FSCN1: variants seen among roughly 807,000 people sequenced by gnomAD.
The protein encoded by FSCN1 is fascin actin-bundling protein 1, also known as fascin.
A neutral mutation model predicts 39.7 loss-of-function variants in FSCN1; 10 were observed. That is an observed-to-expected ratio of 0.25 (90% CI 0.16 to 0.43). The LOEUF is 0.43. FSCN1 is among the 20% of genes least tolerant of loss of function. The pLI, the probability that FSCN1 is intolerant of heterozygous loss-of-function variation, is 1.00. For synonymous variants in FSCN1, 322 were observed against 320.0 expected (o/e 1.01, Z -0.07); for missense variants, 525 against 723.8 (o/e 0.73, Z 3.15).
At chr7:5,594,372 G>T (rs1182902476) in intron 1 of FSCN1, among the ~76,000 whole-genome samples, 1 of 151,864 alleles carries the variant, frequency 6.6e-6, no homozygotes, top group Admixed American at 6.6e-5. Context: ...GGGGGGGGGC[G>T]CGGGGTGTCA....
At chr7:5,596,934 G>A (rs1047789911) in intron 1 of FSCN1, among the ~76,000 whole-genome samples, 2 of 152,208 alleles carry the variant, frequency 1.3e-5, no homozygotes, top group African/African-American at 4.8e-5. Flanking sequence ...TGAGATGGAA[G>A]GAGTGCCTGT....
chr7:5,599,550 C>T lies in FSCN1; in HGVS notation c.833-3707C>T, dbSNP rs941731242. On this transcript the variant is annotated intron_variant, in intron 1 of 4. Transcript: ENST00000382361. The surrounding 1 kb of genome is among the most constrained non-coding windows in gnomAD (Gnocchi z 5.6). ...GGGGAGGCCGGGCGTGGTGGCTTAC[C>T]CCTGTAATCCCAGCACTTTGGGAGG... Among the ~76,000 whole-genome samples the T allele has an allele frequency of 1.5e-4, 23 of 152,084 alleles. No homozygotes were observed. Among genetic ancestry groups the T allele is most frequent in the African/African-American group, 5.1e-4 (21 of 41,428 alleles).
At chr7:5,597,275 G>A (rs1453243099) in intron 1 of FSCN1, among the ~76,000 whole-genome samples, 1 of 152,250 alleles carries the variant, frequency 6.6e-6, no homozygotes, top group Non-Finnish European at 1.5e-5. Context: ...AGGCTTAGAT[G>A]GGAGGATCAC....
At position 5,592,835 on chromosome 7, in the gene FSCN1, G is replaced by A. The variant is rs1483421089; in HGVS notation, c.-102G>A. On this transcript the variant is annotated 5_prime_UTR_variant, in exon 1 of 5. Coordinates refer to ENST00000382361, the MANE Select transcript of FSCN1 (RefSeq NM_003088.4). The surrounding 1 kb of genome is among the most constrained non-coding windows in gnomAD (Gnocchi z 5.3). ...GGCTTTGTGGAGCGCTGCGGAGGGTGCGTGCGGGCCGCGGCAGCCGAACAA... is the reference window on the plus strand; with the variant it reads ...GGCTTTGTGGAGCGCTGCGGAGGGTACGTGCGGGCCGCGGCAGCCGAACAA... 15 of 662,398 alleles carry A rather than the reference G, an allele frequency of 2.3e-5. No homozygotes were observed. The South Asian group carries it at 2.6e-4, about 12-fold the overall frequency. 41.0% of individuals were successfully genotyped at this position (662,398 alleles called of 1,614,324 possible).
Position 5,593,140 on chromosome 7 carries a change from C to G in FSCN1, c.204C>G (p.Arg68=). The G allele has an allele frequency of 2.5e-6, 4 of 1,603,478 alleles. No homozygotes were observed. The highest frequency in any genetic ancestry group is 3.4e-6 in the Non-Finnish European group (4 of 1,176,238). The part of the protein sequence containing the change: ...AAVCLRSHLG[R]YLAADKDGNV... ...TGTGCCTGCGCAGCCACCTGGGCCG[C>G]TACCTGGCGGCGGACAAGGACGGCA... is the stretch of plus-strand genomic sequence containing the variant. Residue 68 remains arginine (R), a synonymous_variant, in exon 1 of 5, where the codon CGC becomes CGG. Coordinates refer to ENST00000382361, the MANE Select transcript of FSCN1 (RefSeq NM_003088.4).
rs540196423 is a variant in FSCN1, at chr7:5,599,932, C to T, written c.833-3325C>T. ...TCCCTGCAGCATCAAGGTGCCCAAACGAAGACACTCTCCAGCTCTGAGCCA... is the reference window on the plus strand; with the variant it reads ...TCCCTGCAGCATCAAGGTGCCCAAATGAAGACACTCTCCAGCTCTGAGCCA... On this transcript the variant is annotated intron_variant, in intron 1 of 4. Coordinates refer to ENST00000382361, the MANE Select transcript of FSCN1 (RefSeq NM_003088.4). This position sits in a 1 kb window ranked among gnomAD's most constrained non-coding sequence, Gnocchi z 5.6. Among the ~76,000 whole-genome samples the T allele has an allele frequency of 3.3e-5, 5 of 152,316 alleles. No individual in the cohort carries two copies. In the South Asian group the frequency reaches 8.3e-4, roughly 25 times the overall value.
At position 5,605,104 on chromosome 7, in the gene FSCN1, C is replaced by A. The variant is rs926054123; in HGVS notation, c.1280-168C>A. Among the ~76,000 whole-genome samples, 1 of 152,184 alleles carries A rather than the reference C, an allele frequency of 6.6e-6. No individual in the cohort carries two copies. The highest frequency in any genetic ancestry group is 2.4e-5 in the African/African-American group (1 of 41,434). On this transcript the variant is annotated intron_variant, in intron 4 of 4. Transcript: ENST00000382361. The surrounding 1 kb of genome is among the most constrained non-coding windows in gnomAD (Gnocchi z 6.9). ...CGTTCTAGGACCCTTGTTCATGTGTCCATCATGGACAGGAGGACGTGCGGG... is the reference window on the plus strand; with the variant it reads ...CGTTCTAGGACCCTTGTTCATGTGTACATCATGGACAGGAGGACGTGCGGG...
rs966986535 is a variant in FSCN1, at chr7:5,606,418, T to C, written c.*944T>C. On this transcript the variant is annotated 3_prime_UTR_variant, in exon 5 of 5. Coordinates refer to ENST00000382361, the MANE Select transcript of FSCN1 (RefSeq NM_003088.4). The surrounding 1 kb of genome is among the most constrained non-coding windows in gnomAD (Gnocchi z 5.1). ...GACACCTGGGCCAGAGCCCCTGCTG[T>C]GATTGGTGCTCCCTGGGCCTCCCGG... 6.6e-6 allele frequency: 1 copy of C among 151,852 alleles called. No individual in the cohort carries two copies. The highest frequency in any genetic ancestry group is 2.4e-5 in the African/African-American group (1 of 41,334). 9.4% of individuals were successfully genotyped at this position (151,852 alleles called of 1,614,324 possible). A position where few individuals can be genotyped will look rare whatever the true frequency, so the allele number is the denominator to read the frequency against.
chr7:5,603,466 C>G lies in FSCN1; in HGVS notation c.990-30C>G, dbSNP rs781573524. The G allele has an allele frequency of 6.2e-7, 1 of 1,614,040 alleles. No homozygotes were observed. Among genetic ancestry groups the G allele is most frequent in the Admixed American group, 1.7e-5 (1 of 60,032 alleles). ...GCCCCCACCACCTTGCCTGGGCTAC[C>G]CCGCCTGACCCTGTCCCGCCATCCC... On this transcript the variant is annotated intron_variant, in intron 2 of 4. Coordinates refer to ENST00000382361, the MANE Select transcript of FSCN1 (RefSeq NM_003088.4). The surrounding 1 kb of genome is among the most constrained non-coding windows in gnomAD (Gnocchi z 8.5).
intron 1 of FSCN1, among the ~76,000 whole-genome samples, chr7:5,598,150 C>T (rs148318204): frequency 0.017 from 2,561 of 152,234 alleles, 39 homozygotes; most frequent in Non-Finnish European, 0.025. Flanking sequence ...CCTGGCGGAG[C>T]GGAGAGGCTG....
chr7:5,600,281 G>A (rs1264083062), intron 1 of FSCN1, among the ~76,000 whole-genome samples: 1 of 151,894 alleles, frequency 6.6e-6, no homozygotes, highest in Non-Finnish European at 1.5e-5. Context: ...GGGCATAGTG[G>A]CGGGTGCCTG....
Position 5,593,181 on chromosome 7 carries a change from G to T in FSCN1, c.245G>T (p.Arg82Leu). Residue 82 changes from arginine (R) to leucine (L), a missense_variant, in exon 1 of 5, where the codon CGC becomes CTC. Around this residue, in one of 3 missense-constraint regions of FSCN1, gnomAD observed 246 missense variants for 350.6 expected, o/e 0.70. Coordinates refer to ENST00000382361, the MANE Select transcript of FSCN1 (RefSeq NM_003088.4). ...AAGGACGGCAACGTGACCTGCGAGC[G>T]CGAGGTGCCCGGTCCCGACTGCCGT... ...ADKDGNVTCE[R>L]EVPGPDCRFL... The T allele has an allele frequency of 6.2e-7, 1 of 1,602,600 alleles. No individual in the cohort carries two copies. Among genetic ancestry groups the T allele is most frequent in the Non-Finnish European group, 8.5e-7 (1 of 1,175,828 alleles).
At position 5,603,957 on chromosome 7, in the gene FSCN1, C is replaced by T. The variant is rs1416739330; in HGVS notation, c.1206C>T (p.Gly402=). 3.7e-6 allele frequency: 6 copies of T among 1,613,996 alleles called. No homozygotes were observed. Among genetic ancestry groups the T allele is most frequent in the Middle Eastern group, 1.6e-4 (1 of 6,062 alleles). The change falls in exon 4 of 5, where the codon GGC becomes GGT. Residue 402 remains glycine, a synonymous_variant. Coordinates refer to ENST00000382361, the MANE Select transcript of FSCN1 (RefSeq NM_003088.4). The surrounding 1 kb of genome is among the most constrained non-coding windows in gnomAD (Gnocchi z 8.5). ...TCATCGGCTGCCGCAAGGTCACGGG[C>T]ACCCTGGACGCCAACCGCTCCAGCT... ...HGFIGCRKVT[G]TLDANRSSYD... is the part of the protein sequence containing the mutation.
rs1225514713 is a variant in FSCN1 at position 5,604,000 on chromosome 7, G to C, written c.1249G>C (p.Glu417Gln). 13 of 1,613,698 alleles carry C rather than the reference G, an allele frequency of 8.1e-6. No homozygotes were observed. The South Asian group carries it at 9.9e-5, about 12-fold the overall frequency. Residue 417 changes from glutamate to glutamine, a missense_variant, in exon 4 of 5, where the codon GAG becomes CAG. Glu to Gln is a conservative substitution (Grantham distance 29). Transcript: ENST00000382361. This position sits in a 1 kb window ranked among gnomAD's most constrained non-coding sequence, Gnocchi z 8.5. ...NRSSYDVFQLEFNDGAYNIKD... is the reference protein window; with the variant it reads ...NRSSYDVFQLQFNDGAYNIKD... ...CTCCAGCTATGACGTCTTCCAGCTG[G>C]AGTTCAACGATGGCGCCTACAACAT...
Position 5,603,747 on chromosome 7 carries a change from G to C in FSCN1, c.1112-116G>C, listed in dbSNP as rs1785877407. The stretch of plus-strand genomic sequence containing the variant: ...CATCCCCCCGGACTGGCCCCGCACT[G>C]TCCTACCCTGGGGACTGCTGTGTGA... On this transcript the variant is annotated intron_variant, in intron 3 of 4. Coordinates refer to ENST00000382361, the MANE Select transcript of FSCN1 (RefSeq NM_003088.4). This position sits in a 1 kb window ranked among gnomAD's most constrained non-coding sequence, Gnocchi z 8.5. The C allele has an allele frequency of 3.3e-6, 5 of 1,500,530 alleles. No homozygotes were observed. Among genetic ancestry groups the C allele is most frequent in the South Asian group, 2.4e-5 (2 of 83,060 alleles). The allele number at this position is 1,500,530 out of a possible 1,614,324, so 93.0% of individuals were successfully genotyped here.
At position 5,599,472 on chromosome 7, in the gene FSCN1, C is replaced by T. The variant is rs1170909221; in HGVS notation, c.833-3785C>T. On this transcript the variant is annotated intron_variant, in intron 1 of 4. Transcript: ENST00000382361. This position sits in a 1 kb window ranked among gnomAD's most constrained non-coding sequence, Gnocchi z 5.6. ...TCTTTGTGAAGTAGGATGAAGATCC[C>T]CACCTGTGGAGCAGATGTGGGGCTG... Among the ~76,000 whole-genome samples the T allele has an allele frequency of 3.3e-5, 5 of 152,164 alleles. No homozygotes were observed. The highest frequency in any genetic ancestry group is 1.2e-4 in the African/African-American group (5 of 41,436).
rs547272887 is a variant in FSCN1, at chr7:5,598,057, A to C, written c.832+4289A>C. Among the ~76,000 whole-genome samples, 249 of 152,186 alleles carry C rather than the reference A, an allele frequency of 1.6e-3. 1 individual carries two copies. The highest frequency in any genetic ancestry group is 2.9e-3 in the Admixed American group (45 of 15,288). On this transcript the variant is annotated intron_variant, in intron 1 of 4. Transcript: ENST00000382361. ...GGAGGGGCCCTGCTCTACTGGGGGG[A>C]CGACACCCCTTTCCCCTATCCCTCC...
intron 1 of FSCN1, chr7:5,602,962 G>C (rs2128550021): frequency 2.3e-6 from 1 of 440,548 alleles, no homozygotes; most frequent in East Asian, 4.4e-5. Context: ...CTCCTGCCTT[G>C]GCCTCCCAAA....
chr7:5,602,218 T>C (rs1207776796), intron 1 of FSCN1, among the ~76,000 whole-genome samples: 2 of 146,008 alleles, frequency 1.4e-5, no homozygotes, highest in Admixed American at 6.8e-5. Flanking sequence ...TTTTTTTTTT[T>C]TTTAAGTAGG....
Sources: gnomAD v4.1 joint callset for allele counts (sites outside exome capture counted in the v4.1 genomes callset) on GRCh38, gnomAD v4.1.1 for gene constraint, gnomAD v4.1.1 regional missense constraint, Gnocchi (gnomAD v3.1) non-coding constraint, MANE v1.5 for transcripts, NCBI Gene and HGNC (gene_info 2026-07-23, HGNC 2026-07-21) for gene names.